Variants in INPP4B observed in about 807,000 individuals in gnomAD.
The protein encoded by INPP4B is inositol polyphosphate-4-phosphatase type II B, also known as inositol polyphosphate 4-phosphatase type II.
Under a neutral mutation model 122.5 loss-of-function variants are expected in INPP4B, and 55 were observed. That is an observed-to-expected ratio of 0.45 (90% CI 0.36 to 0.56). The LOEUF is 0.56. INPP4B is among the 20% of genes least tolerant of loss of function. INPP4B has a pLI of 0.00. For synonymous variants in INPP4B, 403 were observed against 388.7 expected (o/e 1.04, Z -0.43); for missense variants, 1,000 against 1,097.7 (o/e 0.91, Z 1.26).
intron 2 of INPP4B, among the ~76,000 whole-genome samples, chr4:142,531,045 G>A (rs778841294): frequency 2.0e-5 from 3 of 152,144 alleles, no homozygotes; most frequent in Non-Finnish European, 4.4e-5. Context: ...GGCAAGGGTA[G>A]AAGCCAGAAG....
chr4:142,316,245 A>T (rs1767606216), intron 7 of INPP4B, among the ~76,000 whole-genome samples: 1 of 152,204 alleles, frequency 6.6e-6, no homozygotes, highest in Non-Finnish European at 1.5e-5. Context: ...TCAACTCTTC[A>T]ACTCAGGACT....
At chr4:142,107,696 C>T (rs1014217040) in intron 23 of INPP4B, among the ~76,000 whole-genome samples, 1 of 152,082 alleles carries the variant, frequency 6.6e-6, no homozygotes, top group African/African-American at 2.4e-5. Flanking sequence ...CTGATGTTCT[C>T]CTGCATGTGT....
At chr4:142,504,370 T>C (rs1823746182) in intron 2 of INPP4B, among the ~76,000 whole-genome samples, 1 of 152,072 alleles carries the variant, frequency 6.6e-6, no homozygotes, top group South Asian at 2.1e-4. Flanking sequence ...GGCAGGGATG[T>C]AGGAAAAAAG....
At chr4:142,820,402 TGATCTCTGCACATGC>T (rs1780659731) in intron 1 of INPP4B, among the ~76,000 whole-genome samples, 1 of 152,114 alleles carries the variant, frequency 6.6e-6, no homozygotes, top group African/African-American at 2.4e-5. Context: ...TCTTACCATG[TGATCTCTGCACATGC>T]TGATTCCCCT....
chr4:142,533,523 C>T (rs1390278525), intron 2 of INPP4B, among the ~76,000 whole-genome samples: 2 of 151,774 alleles, frequency 1.3e-5, no homozygotes, highest in Admixed American at 1.3e-4. Flanking sequence ...CAACAACACC[C>T]CAAGAACATA....
intron 8 of INPP4B, among the ~76,000 whole-genome samples, chr4:142,313,045 C>T (rs905243523): frequency 6.6e-6 from 1 of 152,148 alleles, no homozygotes; most frequent in Admixed American, 6.5e-5. Flanking sequence ...CATTAGGCTT[C>T]CTCCCCACTG....
intron 2 of INPP4B, among the ~76,000 whole-genome samples, chr4:142,615,619 T>C (rs1367506324): frequency 2.0e-5 from 3 of 152,066 alleles, no homozygotes; most frequent in Non-Finnish European, 4.4e-5. Flanking sequence ...ATGATCTCTA[T>C]TTTTATTAAT....
At chr4:142,465,942 G>GCT (rs1817674631) in intron 2 of INPP4B, among the ~76,000 whole-genome samples, 1 of 152,126 alleles carries the variant, frequency 6.6e-6, no homozygotes, top group Non-Finnish European at 1.5e-5. Flanking sequence ...AGCAAATCCT[G>GCT]TCACCATACT....
rs1232020344 is a variant in INPP4B at position 142,314,796 on chromosome 4, A to G, written c.373-34T>C. 3 of 1,555,642 alleles carry G rather than the reference A, an allele frequency of 1.9e-6. No individual in the cohort carries two copies. In the East Asian group the frequency reaches 7.0e-5, roughly 36 times the overall value. On this transcript the variant is annotated intron_variant, in intron 7 of 25. Transcript: ENST00000262992. The stretch of plus-strand genomic sequence containing the variant: ...AAAAACATTTTCTGTAAGACTTTGG[A>G]GTAGAAACTAGTGCAGAAGCCTCGC...
intron 2 of INPP4B, among the ~76,000 whole-genome samples, chr4:142,535,666 G>T (rs1311064075): frequency 6.6e-6 from 1 of 151,974 alleles, no homozygotes; most frequent in East Asian, 1.9e-4. Context: ...GCATGGTAGG[G>T]GCTCAACACA....
chr4:142,334,946 T>C (rs2151595392), intron 7 of INPP4B, among the ~76,000 whole-genome samples: 1 of 152,050 alleles, frequency 6.6e-6, no homozygotes, highest in Admixed American at 6.6e-5. Context: ...GGTGAGCTAC[T>C]TTTAAATAGT....
chr4:142,151,761 C>T (rs954102619), intron 17 of INPP4B, among the ~76,000 whole-genome samples: 3 of 152,154 alleles, frequency 2.0e-5, no homozygotes, highest in African/African-American at 7.2e-5. Context: ...ATTCTTATGT[C>T]TCATTAGTCT....
Position 142,123,370 on chromosome 4 carries a change from G to T in INPP4B, c.1939C>A (p.Leu647Met), listed in dbSNP as rs1797369851. The T allele has an allele frequency of 6.2e-7, 1 of 1,613,024 alleles. No homozygotes were observed. The highest frequency in any genetic ancestry group is 8.5e-7 in the Non-Finnish European group (1 of 1,179,362). ...CGFIIKLQTSLYDPGFLQQLH... is the reference protein window; with the variant it reads ...CGFIIKLQTSMYDPGFLQQLH... ...TGCTGTAGGAAGCCTGGGTCATACA[G>T]ACTTGTCTGTAATTTGATGATAAAA... The change falls in exon 20 of 26, where the codon CTG becomes ATG. Residue 647 changes from leucine to methionine, a missense_variant. Transcript: ENST00000262992.
chr4:142,614,866 A>T (rs1344301452), intron 2 of INPP4B, among the ~76,000 whole-genome samples: 1 of 152,120 alleles, frequency 6.6e-6, no homozygotes, highest in Non-Finnish European at 1.5e-5. Flanking sequence ...AGTCAGAATG[A>T]CTATTACTAA....
chr4:142,397,783 A>G (rs779137140), intron 7 of INPP4B, among the ~76,000 whole-genome samples: 3 of 151,906 alleles, frequency 2.0e-5, no homozygotes, highest in Admixed American at 6.6e-5. Flanking sequence ...AGGTTGCAGT[A>G]AGCCAACATT....
At chr4:142,354,105 G>T (rs934612486) in intron 7 of INPP4B, among the ~76,000 whole-genome samples, 1 of 151,856 alleles carries the variant, frequency 6.6e-6, no homozygotes, top group Non-Finnish European at 1.5e-5. Flanking sequence ...CAACCAGTCA[G>T]CTGCAAAGAT....
chr4:142,741,247 T>TG (rs1767854934), intron 1 of INPP4B, among the ~76,000 whole-genome samples: 1 of 149,694 alleles, frequency 6.7e-6, no homozygotes, highest in South Asian at 2.2e-4. Flanking sequence ...GCTTGGCTTC[T>TG]GGTGAGGATA....
In INPP4B at chr4:142,248,334, C is replaced by CTA. The variant is rs936039146; in HGVS notation, c.689-10324_689-10323insTA. Reference sequence around the variant, plus strand: ...TCTCTGTGTTTCTCTCTCTCTCTCTCTCTTTTTTTTTTTTTTTTTTGAGAT... The same window carrying CTA: ...TCTCTGTGTTTCTCTCTCTCTCTCTCTATCTTTTTTTTTTTTTTTTTTGAGAT... On this transcript the variant is annotated intron_variant, in intron 11 of 25. Transcript: ENST00000262992. 5.6e-5 allele frequency among the ~76,000 whole-genome samples: 4 copies of CTA among 71,050 alleles called. 1 individual carries two copies. Among genetic ancestry groups the CTA allele is most frequent in the African/African-American group, 1.5e-4 (4 of 26,842 alleles). 46.6% of individuals were successfully genotyped at this position (71,050 alleles called of 152,430 possible).
intron 14 of INPP4B, among the ~76,000 whole-genome samples, chr4:142,198,073 C>T (rs1839103634): frequency 6.6e-6 from 1 of 151,904 alleles, no homozygotes; most frequent in African/African-American, 2.4e-5. Flanking sequence ...GTGATCACAT[C>T]AAAAAGAAGA....
Sources: gnomAD v4.1 joint callset for allele counts (sites outside exome capture counted in the v4.1 genomes callset) on GRCh38, gnomAD v4.1.1 for gene constraint, MANE v1.5 for transcripts, NCBI Gene and HGNC (gene_info 2026-07-23, HGNC 2026-07-21) for gene names.